Variants in ACP1 observed in about 807,000 individuals in gnomAD.
The protein encoded by ACP1 is low molecular weight phosphotyrosine protein phosphatase.
Under a neutral mutation model 23.4 loss-of-function variants are expected in ACP1, and 23 were observed. That is an observed-to-expected ratio of 0.98 (90% CI 0.71 to 1.39). The LOEUF (loss-of-function observed/expected upper bound fraction) is 1.39, where lower values mean the gene tolerates loss of function less well. Ranked by LOEUF, ACP1 falls within the 40% of genes most tolerant of loss-of-function variation. The probability of loss-of-function intolerance (pLI) is 0.00; values close to 1 mark genes in which losing one functional copy is unlikely to be tolerated. For missense variants in ACP1, 180 were observed against 197.7 expected (o/e 0.91, Z 0.54); for synonymous variants, 72 against 67.2 (o/e 1.07, Z -0.35).
intron 4 of ACP1, among the ~76,000 whole-genome samples, chr2:276,086 A>T (rs565812613): frequency 6.6e-6 from 1 of 152,240 alleles, no homozygotes; most frequent in African/African-American, 2.4e-5. Context: ...TTTGACTGGC[A>T]CTGAGCACCG....
chr2:272,034 C>A lies in ACP1; in HGVS notation c.118-3C>A. 1.9e-6 allele frequency: 3 copies of A among 1,613,302 alleles called. No homozygotes were observed. The highest frequency in any genetic ancestry group is 2.5e-6 in the Non-Finnish European group (3 of 1,179,598). ...AAAAAATTCCATGTTTCTTCCCCTG[C>A]AGTGGAGGGTAGACAGCGCGGCAAC... On this transcript the variant is annotated splice_polypyrimidine_tract_variant and splice_region_variant and intron_variant, in intron 2 of 5. Transcript: ENST00000272065.
At chr2:277,128 A>G (rs1019571011) in intron 5 of ACP1, 43 bp downstream of exon 5, 3 of 1,569,116 alleles carry the variant, frequency 1.9e-6, no homozygotes, top group African/African-American at 2.7e-5. Flanking sequence ...AAGACCCAAC[A>G]CATTTGTATC....
chr2:276,501 G>A (rs946691389), intron 4 of ACP1, among the ~76,000 whole-genome samples: 36 of 152,308 alleles, frequency 2.4e-4, no homozygotes, highest in African/African-American at 8.7e-4. Context: ...AAGGGTGGAA[G>A]TCTAGAGTGA....
Position 277,425 on chromosome 2 carries a change from A to C in ACP1, c.*121A>C. 1 of 812,196 alleles carries C rather than the reference A, an allele frequency of 1.2e-6. No individual in the cohort carries two copies. Among genetic ancestry groups the C allele is most frequent in the Non-Finnish European group, 2.1e-6 (1 of 474,308 alleles). The allele number at this position is 812,196 out of a possible 1,614,324, so 50.3% of individuals were successfully genotyped here. On this transcript the variant is annotated 3_prime_UTR_variant, in exon 6 of 6. Transcript: ENST00000272065. ...GCCCAGCTCTTTGTTCAGTTGACTTACTGTTTCTTACCTTAAAAAGTAATT... is the reference window on the plus strand; with the variant it reads ...GCCCAGCTCTTTGTTCAGTTGACTTCCTGTTTCTTACCTTAAAAAGTAATT...
intron 4 of ACP1, among the ~76,000 whole-genome samples, chr2:276,118 A>G (rs868817862): frequency 2.2e-4 from 33 of 152,288 alleles, no homozygotes; most frequent in Middle Eastern, 3.4e-3. Context: ...GTGTGGGGCA[A>G]GTGGAGTTCC....
Position 275,055 on chromosome 2 carries a change from G to C in ACP1, c.232-85G>C, listed in dbSNP as rs1036569753. 2.1e-5 allele frequency: 11 copies of C among 526,930 alleles called. No homozygotes were observed. In the South Asian group the frequency reaches 3.2e-4, roughly 15 times the overall value. The allele number at this position is 526,930 out of a possible 1,614,324, so 32.6% of individuals were successfully genotyped here. A position where few individuals can be genotyped will look rare whatever the true frequency, so the allele number is the denominator to read the frequency against. On this transcript the variant is annotated intron_variant, in intron 3 of 5. Coordinates refer to ENST00000272065, the MANE Select transcript of ACP1 (RefSeq NM_004300.4). ...GTGAGTAACAGGCTCAAATACAGCA[G>C]TTTTTTTTTTCTTTTAGTATTGCTT...
intron 4 of ACP1, among the ~76,000 whole-genome samples, chr2:276,151 C>T (rs368421789): frequency 1.7e-3 from 265 of 152,260 alleles, no homozygotes; most frequent in East Asian, 3.9e-3. Context: ...TTTGCACGTG[C>T]TGTTCCTCTG....
chr2:271,823 A>T (rs779903656), intron 1 of ACP1, 43 bp from the exon 2 acceptor site: 13 of 1,522,412 alleles, frequency 8.5e-6, no homozygotes, highest in Non-Finnish European at 1.2e-5. Context: ...GTGCCCTTCC[A>T]TCCAACCTAA....
chr2:272,009 A>AT (rs1014527705), intron 2 of ACP1, 28 bp from the exon 3 acceptor site: 1 of 1,609,408 alleles, frequency 6.2e-7, no homozygotes, highest in African/African-American at 1.3e-5. Context: ...AAAAAAAAAA[A>AT]AAAAATTCCA....
In ACP1 at chr2:272,398, GTTTA is replaced by G. The variant is rs889110866; in HGVS notation, c.231+253_231+256del. 51 of 1,503,562 alleles carry G rather than the reference GTTTA, an allele frequency of 3.4e-5. 1 individual carries two copies. Among genetic ancestry groups the G allele is most frequent in the South Asian group, 1.3e-5 (1 of 74,916 alleles). 93.1% of individuals were successfully genotyped at this position (1,503,562 alleles called of 1,614,324 possible). ...ACCAGACTTGTATATTAATGAATGT[GTTTA>G]TTTAGGGTGAGCTTAACCAGCTATG... is the stretch of plus-strand genomic sequence containing the variant. On this transcript the variant is annotated intron_variant, in intron 3 of 5. Transcript: ENST00000272065.
At chr2:268,834 C>T (rs1031045359) in intron 1 of ACP1, among the ~76,000 whole-genome samples, 1 of 152,198 alleles carries the variant, frequency 6.6e-6, no homozygotes, top group African/African-American at 2.4e-5. Flanking sequence ...CGGGGTGCTC[C>T]ATTTTTTCAT....
At chr2:271,095 A>G (rs1025395829) in intron 1 of ACP1, among the ~76,000 whole-genome samples, 3 of 152,158 alleles carry the variant, frequency 2.0e-5, no homozygotes, top group African/African-American at 7.2e-5. Flanking sequence ...CCCTGGGCTC[A>G]GGGCTTTGCA....
At chr2:269,043 C>A (rs186856299) in intron 1 of ACP1, among the ~76,000 whole-genome samples, 3 of 152,140 alleles carry the variant, frequency 2.0e-5, no homozygotes, top group African/African-American at 7.2e-5. Context: ...ATCTGTTGTT[C>A]TACAGATCCA....
At chr2:276,009 C>T (rs982317644) in intron 4 of ACP1, among the ~76,000 whole-genome samples, 1 of 152,090 alleles carries the variant, frequency 6.6e-6, no homozygotes, top group Non-Finnish European at 1.5e-5. Context: ...ATTCTGTTCT[C>T]ATTGTTTTTG....
intron 1 of ACP1, among the ~76,000 whole-genome samples, chr2:266,703 A>G (rs1669895289): frequency 6.6e-6 from 1 of 152,260 alleles, no homozygotes; most frequent in Non-Finnish European, 1.5e-5. Context: ...GAGGCAAGAC[A>G]GCAGACGATC....
intron 1 of ACP1, among the ~76,000 whole-genome samples, chr2:267,337 A>G (rs1032049945): frequency 1.3e-5 from 2 of 152,238 alleles, no homozygotes; most frequent in Non-Finnish European, 2.9e-5. Context: ...TCTCTCAGTC[A>G]CCAGCAAGTA....
intron 1 of ACP1, 54 bp downstream of exon 1, chr2:265,061 G>C (rs1378684747): frequency 9.4e-6 from 15 of 1,603,610 alleles, no homozygotes; most frequent in Non-Finnish European, 1.3e-5. Context: ...AGTTGGATCG[G>C]GCTTGTGCGC....
intron 3 of ACP1, 50 bp downstream of exon 3, chr2:272,200 T>A: frequency 1.9e-6 from 3 of 1,614,154 alleles, no homozygotes; most frequent in Non-Finnish European, 2.5e-6. Context: ...AGTGGGTCAT[T>A]GACAGCGGTG....
Position 277,308 on chromosome 2 carries a change from A to C in ACP1, c.*4A>C. 1 of 1,612,402 alleles carries C rather than the reference A, an allele frequency of 6.2e-7. No individual in the cohort carries two copies. The highest frequency in any genetic ancestry group is 8.5e-7 in the Non-Finnish European group (1 of 1,179,976). On this transcript the variant is annotated 3_prime_UTR_variant, in exon 6 of 6. Coordinates refer to ENST00000272065, the MANE Select transcript of ACP1 (RefSeq NM_004300.4). Reference sequence around the variant, plus strand: ...GTTCTTGGAGAAGGCCCACTGAGGCAGGTTCGTGCCCTGCTGCGGCCAGCC... The same window carrying C: ...GTTCTTGGAGAAGGCCCACTGAGGCCGGTTCGTGCCCTGCTGCGGCCAGCC...
Sources: allele counts gnomAD v4.1 joint callset (sites outside exome capture counted in the v4.1 genomes callset), GRCh38; gene constraint gnomAD v4.1.1; transcripts MANE v1.5; gene names NCBI Gene and HGNC (gene_info 2026-07-23, HGNC 2026-07-21).